The following UBE2R2 variants were observed in gnomAD, a reference collection of about 807,000 sequenced individuals.
UBE2R2 encodes the protein ubiquitin-conjugating enzyme E2 R2.
UBE2R2 carries 1 observed loss-of-function variant against 27.8 expected under a neutral mutation model. The ratio of observed to expected loss-of-function variants is 0.04; its 90% CI spans 0.01 to 0.17. The LOEUF (loss-of-function observed/expected upper bound fraction) is 0.17, where lower values mean the gene tolerates loss of function less well. Among genes scored for constraint, UBE2R2 ranks in the 10% least tolerant of loss-of-function variants. UBE2R2 has a pLI of 1.00. For synonymous variants in UBE2R2, 106 were observed against 113.3 expected, an observed-to-expected ratio of 0.94 and a Z score of 0.41; for missense variants, 100 against 291.0, an observed-to-expected ratio of 0.34 and a Z score of 4.78.
At chr9:33,849,619 A>T (rs1203546214) in intron 1 of UBE2R2, among the ~76,000 whole-genome samples, 2 of 151,494 alleles carry the variant, frequency 1.3e-5, no homozygotes, top group Admixed American at 1.3e-4. Context: ...TGGGAGGCTG[A>T]GGCAGGCAGG....
intron 1 of UBE2R2, among the ~76,000 whole-genome samples, chr9:33,884,766 T>C (rs569889382): frequency 1.3e-5 from 2 of 152,262 alleles, no homozygotes; most frequent in East Asian, 3.9e-4. Context: ...TTTCTATTGA[T>C]TCTTTTTTTT....
intron 2 of UBE2R2, 104 bp from the exon 3 acceptor site, chr9:33,900,070 G>C: frequency 1.3e-6 from 1 of 760,548 alleles, no homozygotes; most frequent in Non-Finnish European, 2.2e-6. Flanking sequence ...TTTCTCCTTT[G>C]ATGAAGAAAC....
rs539683470 is a variant in UBE2R2 at position 33,919,238 on chromosome 9, G to C, written c.*2001G>C. On this transcript the variant is annotated 3_prime_UTR_variant, in exon 5 of 5. Coordinates refer to ENST00000263228, the MANE Select transcript of UBE2R2 (RefSeq NM_017811.4). ...CCATACTTTGTAAGTAATGCTTCCAGATTAACCTGCAAATCTTGTGGAGCC... is the reference window on the plus strand; with the variant it reads ...CCATACTTTGTAAGTAATGCTTCCACATTAACCTGCAAATCTTGTGGAGCC... 1 of 152,316 alleles carries C rather than the reference G, an allele frequency of 6.6e-6. No homozygotes were observed. Among genetic ancestry groups the C allele is most frequent in the Non-Finnish European group, 1.5e-5 (1 of 68,046 alleles). The allele number at this position is 152,316 out of a possible 1,614,324, so 9.4% of individuals were successfully genotyped here. A position where few individuals can be genotyped will look rare whatever the true frequency, so the allele number is the denominator to read the frequency against.
intron 1 of UBE2R2, among the ~76,000 whole-genome samples, chr9:33,818,301 C>T (rs556223390): frequency 6.9e-6 from 1 of 144,178 alleles, no homozygotes; most frequent in South Asian, 2.1e-4. Context: ...CCCCTCCCTG[C>T]GCAGGCTGGA....
At chr9:33,903,162 T>TA (rs1822281789) in intron 3 of UBE2R2, among the ~76,000 whole-genome samples, 1 of 152,202 alleles carries the variant, frequency 6.6e-6, no homozygotes, top group Non-Finnish European at 1.5e-5. Context: ...TTGAGGGTGC[T>TA]ACGTCTTCAG....
At chr9:33,879,403 A>G (rs1161621409) in intron 1 of UBE2R2, among the ~76,000 whole-genome samples, 1 of 152,174 alleles carries the variant, frequency 6.6e-6, no homozygotes, top group Non-Finnish European at 1.5e-5. Flanking sequence ...TCTATTCTAC[A>G]TAAATTTTCA....
intron 1 of UBE2R2, among the ~76,000 whole-genome samples, chr9:33,885,239 A>G (rs1821831414): frequency 1.3e-5 from 2 of 152,164 alleles, no homozygotes; most frequent in South Asian, 2.1e-4. Flanking sequence ...GGGCATGTGC[A>G]TAGCTCTACA....
intron 1 of UBE2R2, among the ~76,000 whole-genome samples, chr9:33,835,622 C>A (rs779996358): frequency 1.3e-5 from 2 of 151,846 alleles, no homozygotes; most frequent in Non-Finnish European, 1.5e-5. Flanking sequence ...TGGCTTACAC[C>A]TGTAATCTGA....
intron 2 of UBE2R2, among the ~76,000 whole-genome samples, chr9:33,888,238 A>G (rs932465022): frequency 6.6e-6 from 1 of 152,162 alleles, no homozygotes; most frequent in Non-Finnish European, 1.5e-5. Context: ...CACTTGAAGA[A>G]TGGTGTTGCT....
chr9:33,864,533 C>A (rs1821316823), intron 1 of UBE2R2, among the ~76,000 whole-genome samples: 1 of 152,024 alleles, frequency 6.6e-6, no homozygotes, highest in Non-Finnish European at 1.5e-5. Flanking sequence ...TGGAATTACT[C>A]CCACATTTCT....
intron 1 of UBE2R2, among the ~76,000 whole-genome samples, chr9:33,871,386 G>A (rs1821480842): frequency 1.3e-5 from 2 of 152,132 alleles, no homozygotes; most frequent in South Asian, 4.1e-4. Context: ...GATGAGTTCG[G>A]TGATTTCATT....
At chr9:33,888,637 T>C (rs1821916292) in intron 2 of UBE2R2, among the ~76,000 whole-genome samples, 1 of 152,176 alleles carries the variant, frequency 6.6e-6, no homozygotes, top group African/African-American at 2.4e-5. Context: ...CTGTCTCAGC[T>C]TCTTGGGTAG....
chr9:33,864,140 T>C (rs966643229), intron 1 of UBE2R2, among the ~76,000 whole-genome samples: 1 of 152,164 alleles, frequency 6.6e-6, no homozygotes, highest in Non-Finnish European at 1.5e-5. Flanking sequence ...TTACTAATTT[T>C]ATCTGCTGAT....
intron 1 of UBE2R2, among the ~76,000 whole-genome samples, chr9:33,834,189 CTTCTTTTTTTTT>C (rs1276729046): frequency 5.0e-5 from 7 of 139,824 alleles, no homozygotes; most frequent in African/African-American, 1.1e-4. Context: ...ATTCTTGGAG[CTTCTTTTTTTTT>C]TTCTTTTTTT....
At chr9:33,859,548 A>G (rs958522324) in intron 1 of UBE2R2, among the ~76,000 whole-genome samples, 1 of 152,164 alleles carries the variant, frequency 6.6e-6, no homozygotes, top group African/African-American at 2.4e-5. Flanking sequence ...TTTTCATTAC[A>G]TCTTTATTTT....
chr9:33,884,289 CTTTTTTTTT>C (rs910443817), intron 1 of UBE2R2, among the ~76,000 whole-genome samples: 13 of 100,014 alleles, frequency 1.3e-4, no homozygotes, highest in Non-Finnish European at 1.5e-4. Context: ...CTTTTTCTTT[CTTTTTTTTT>C]TTTTGAGACA....
intron 1 of UBE2R2, among the ~76,000 whole-genome samples, chr9:33,821,491 T>C (rs1825980728): frequency 6.6e-6 from 1 of 152,076 alleles, no homozygotes; most frequent in Admixed American, 6.6e-5. Flanking sequence ...CTGCTAAGGA[T>C]TGTAGCTTAG....
At chr9:33,844,639 C>G (rs13294868) in intron 1 of UBE2R2, among the ~76,000 whole-genome samples, 8,287 of 148,558 alleles carry the variant, frequency 0.056, 331 homozygotes, top group Non-Finnish European at 0.083. Flanking sequence ...TTGTTCCAAA[C>G]ATTCATTAGA....
At chr9:33,915,252 A>C (rs1822615035) in intron 4 of UBE2R2, among the ~76,000 whole-genome samples, 1 of 152,090 alleles carries the variant, frequency 6.6e-6, no homozygotes, top group Non-Finnish European at 1.5e-5. Context: ...AGGTCTTTGG[A>C]GTGAGATTTA....
Sources: gnomAD v4.1 joint callset for allele counts (sites outside exome capture counted in the v4.1 genomes callset) on GRCh38, gnomAD v4.1.1 for gene constraint, MANE v1.5 for transcripts, NCBI Gene and HGNC (gene_info 2026-07-23, HGNC 2026-07-21) for gene names.